FBXO16: variants seen among roughly 807,000 people sequenced by gnomAD.
The protein encoded by FBXO16 is F-box only protein 16.
In FBXO16, 31 loss-of-function variants were observed where a neutral mutation model predicts 41.0. That is an observed-to-expected ratio of 0.76 (90% confidence interval 0.57 to 1.02). FBXO16 has a LOEUF of 1.02. Among genes scored for constraint, FBXO16 ranks in the 50% least tolerant of loss-of-function variants. The pLI is 0.00. For missense variants in FBXO16, 361 were observed against 346.2 expected, an observed-to-expected ratio of 1.04 and a Z score of -0.34; for synonymous variants, 133 against 117.8, an observed-to-expected ratio of 1.13 and a Z score of -0.84.
At chr8:28,466,679 C>T (rs939820225) in intron 3 of FBXO16, among the ~76,000 whole-genome samples, 1 of 150,850 alleles carries the variant, frequency 6.6e-6, no homozygotes, top group Non-Finnish European at 1.5e-5. Flanking sequence ...CCTGTAGTCC[C>T]AGTTACATGG....
intron 5 of FBXO16, among the ~76,000 whole-genome samples, chr8:28,454,390 CA>C (rs1488302823): frequency 1.3e-5 from 2 of 151,660 alleles, no homozygotes; most frequent in East Asian, 3.9e-4. Flanking sequence ...AAAATAACTT[CA>C]GGGGGAAATT....
Position 28,463,826 on chromosome 8 carries a change from C to T in FBXO16, c.136-8G>A. ...GTCTGTCCATTTGTCAAACTGGAAA[C>T]ACAAAACAAAGCAAAATGTAAAAAG... On this transcript the variant is annotated splice_polypyrimidine_tract_variant and splice_region_variant and intron_variant, in intron 3 of 8. Transcript: ENST00000380254. 6.2e-7 allele frequency: 1 copy of T among 1,612,256 alleles called. No homozygotes were observed.
intron 4 of FBXO16, among the ~76,000 whole-genome samples, chr8:28,459,990 C>T (rs1803099774): frequency 6.6e-6 from 1 of 151,768 alleles, no homozygotes; most frequent in African/African-American, 2.4e-5. Context: ...TGTGCCACTG[C>T]ACTCCAGCCT....
chr8:28,485,077 G>A (rs1256965177), intron 1 of FBXO16, among the ~76,000 whole-genome samples: 2 of 152,164 alleles, frequency 1.3e-5, no homozygotes, highest in Admixed American at 1.3e-4. Context: ...TGTGATGGTG[G>A]GTTTCACAAG....
intron 2 of FBXO16, among the ~76,000 whole-genome samples, chr8:28,474,571 G>A (rs1010510670): frequency 6.6e-6 from 1 of 152,040 alleles, no homozygotes; most frequent in Non-Finnish European, 1.5e-5. Flanking sequence ...TGAATGATCA[G>A]TTCTGTTTTT....
chr8:28,469,930 G>A (rs1585914360), intron 3 of FBXO16, among the ~76,000 whole-genome samples: 1 of 135,958 alleles, frequency 7.4e-6, no homozygotes, highest in Non-Finnish European at 1.6e-5. Flanking sequence ...TAGGCCGGGC[G>A]CGGTGGGCTC....
chr8:28,484,892 C>A (rs1439766064), intron 1 of FBXO16, among the ~76,000 whole-genome samples: 1 of 151,658 alleles, frequency 6.6e-6, no homozygotes, highest in Non-Finnish European at 1.5e-5. Context: ...CCGCGCCCGG[C>A]CAAGATGGAG....
rs1182320909 is a variant in FBXO16, at chr8:28,428,448, T to G, written c.*279A>C. 1.0e-6 allele frequency: 1 copy of G among 968,150 alleles called. No homozygotes were observed. Among genetic ancestry groups the G allele is most frequent in the Non-Finnish European group, 1.5e-6 (1 of 681,458 alleles). The allele number at this position is 968,150 out of a possible 1,614,324, so 60.0% of individuals were successfully genotyped here. On this transcript the variant is annotated 3_prime_UTR_variant, in exon 9 of 9. Coordinates refer to ENST00000380254, the MANE Select transcript of FBXO16 (RefSeq NM_172366.4). The stretch of plus-strand genomic sequence containing the variant: ...CCTTTTTACTGAAATACCGTAGGAC[T>G]CACTACCACAATAAGTACTTAAGCT...
intron 2 of FBXO16, among the ~76,000 whole-genome samples, chr8:28,474,127 C>T (rs1431152539): frequency 6.6e-6 from 1 of 151,690 alleles, no homozygotes; most frequent in Non-Finnish European, 1.5e-5. Context: ...AGTTTAAAAG[C>T]AGCCTGGGCA....
chr8:28,464,438 C>T (rs924517386), intron 3 of FBXO16, among the ~76,000 whole-genome samples: 1 of 152,128 alleles, frequency 6.6e-6, no homozygotes, highest in African/African-American at 2.4e-5. Context: ...CTGAACAACA[C>T]CCAAGATCAG....
chr8:28,482,620 G>A (rs950423948), intron 2 of FBXO16, among the ~76,000 whole-genome samples: 4 of 152,132 alleles, frequency 2.6e-5, no homozygotes, highest in African/African-American at 9.7e-5. Flanking sequence ...GCCCAAGCGG[G>A]AGTGCAATGG....
intron 7 of FBXO16, among the ~76,000 whole-genome samples, chr8:28,446,804 G>A (rs1003606884): frequency 1.3e-5 from 2 of 151,936 alleles, no homozygotes; most frequent in Admixed American, 6.6e-5. Flanking sequence ...CCCAGGAGGC[G>A]GAGGTTGCAG....
chr8:28,447,814 C>T lies in FBXO16; in HGVS notation c.741-541G>A, dbSNP rs184710557. ...ACTAAAAATACAAAAATTAGCCAGG[C>T]GTGGTGGCACACACCTGTAGTCCCA... On this transcript the variant is annotated intron_variant, in intron 6 of 8. Transcript: ENST00000380254. Among the ~76,000 whole-genome samples the T allele has an allele frequency of 1.3e-3, 195 of 152,076 alleles. 1 individual carries two copies. The highest frequency in any genetic ancestry group is 4.4e-3 in the African/African-American group (183 of 41,500).
intron 1 of FBXO16, among the ~76,000 whole-genome samples, chr8:28,486,823 G>A (rs1477604881): frequency 6.6e-6 from 1 of 151,996 alleles, no homozygotes; most frequent in Admixed American, 6.6e-5. Context: ...CTGGGCAACA[G>A]AGCAAGACCG....
chr8:28,456,576 A>G (rs1014568959), intron 5 of FBXO16, 190 bp downstream of exon 5: 42 of 621,778 alleles, frequency 6.8e-5, no homozygotes, highest in African/African-American at 6.6e-4. Flanking sequence ...GTGGCAAATG[A>G]GGGCTCTCAA....
At position 28,446,176 on chromosome 8, in the gene FBXO16, C is replaced by CTTTTT. The variant is rs11421643; in HGVS notation, c.843+990_843+994dup. 5.5e-3 allele frequency among the ~76,000 whole-genome samples: 455 copies of CTTTTT among 83,068 alleles called. 9 individuals carry two copies. Among genetic ancestry groups the CTTTTT allele is most frequent in the Non-Finnish European group, 7.9e-3 (363 of 46,008 alleles). The allele number at this position is 83,068 out of a possible 152,430, so 54.5% of individuals were successfully genotyped here. A position where few individuals can be genotyped will look rare whatever the true frequency, so the allele number is the denominator to read the frequency against. ...CAAAGTTACTTTAAATGCATTTTTCCTTTTTTTTTTTTTTTTTTTTTTTGA... is the reference window on the plus strand; with the variant it reads ...CAAAGTTACTTTAAATGCATTTTTCCTTTTTTTTTTTTTTTTTTTTTTTTTTTTGA... On this transcript the variant is annotated intron_variant, in intron 7 of 8. Transcript: ENST00000380254.
chr8:28,454,858 A>C (rs1803014557), intron 5 of FBXO16, among the ~76,000 whole-genome samples: 1 of 151,606 alleles, frequency 6.6e-6, no homozygotes, highest in African/African-American at 2.4e-5. Context: ...TTTTGTTCAC[A>C]TCACCTGAAG....
At chr8:28,476,953 T>C (rs992123034) in intron 2 of FBXO16, among the ~76,000 whole-genome samples, 1 of 152,242 alleles carries the variant, frequency 6.6e-6, no homozygotes, top group African/African-American at 2.4e-5. Context: ...TCATCTTCCA[T>C]AGTTACCTTT....
At chr8:28,463,322 GTGTA>G (rs1258487505) in intron 4 of FBXO16, among the ~76,000 whole-genome samples, 3 of 151,626 alleles carry the variant, frequency 2.0e-5, no homozygotes, top group African/African-American at 4.9e-5. Context: ...GTGTGTATAT[GTGTA>G]TGTGTGTTTG....
Sources: allele counts gnomAD v4.1 joint callset (sites outside exome capture counted in the v4.1 genomes callset), GRCh38; gene constraint gnomAD v4.1.1; transcripts MANE v1.5; gene names NCBI Gene and HGNC (gene_info 2026-07-23, HGNC 2026-07-21).